The following ADCY2 variants were observed in gnomAD, a reference collection of about 807,000 sequenced individuals.
The protein encoded by ADCY2 is adenylate cyclase 2, also known as adenylate cyclase type 2.
Under a neutral mutation model 125.2 loss-of-function variants are expected in ADCY2, and 31 were observed. That is an observed-to-expected ratio of 0.25 (90% CI 0.19 to 0.33). The LOEUF (loss-of-function observed/expected upper bound fraction) is 0.33. Ranked by LOEUF, ADCY2 falls within the 10% of genes least tolerant of loss-of-function variation. The probability of loss-of-function intolerance (pLI) is 1.00; values close to 1 mark genes in which losing one functional copy is unlikely to be tolerated. For synonymous variants in ADCY2, 512 were observed against 548.4 expected, an observed-to-expected ratio of 0.93 and a Z score of 0.93; for missense variants, 904 against 1,418.2, an observed-to-expected ratio of 0.64 and a Z score of 5.82.
At chr5:7,557,201 A>ATATATATATATATATATATAT in intron 3 of ADCY2, among the ~76,000 whole-genome samples, 6 of 140,118 alleles carry the variant, frequency 4.3e-5, no homozygotes, top group African/African-American at 1.1e-4. Flanking sequence ...TGATATATAT[A>ATATATATATATATATATATAT]ACTCAAGTGA....
At chr5:7,619,334 T>C (rs891466336) in intron 3 of ADCY2, among the ~76,000 whole-genome samples, 1 of 152,120 alleles carries the variant, frequency 6.6e-6, no homozygotes, top group Non-Finnish European at 1.5e-5. Flanking sequence ...CAGAAGGTAG[T>C]AGGGAGAAGA....
intron 19 of ADCY2, 63 bp from the exon 20 acceptor site, chr5:7,789,579 C>G (rs2126504728): frequency 6.7e-7 from 1 of 1,493,962 alleles, no homozygotes; most frequent in East Asian, 2.3e-5. Context: ...CTCTTTAAAA[C>G]CTCCACTCTC....
At chr5:7,410,151 G>A (rs1351609865) in intron 1 of ADCY2, among the ~76,000 whole-genome samples, 1 of 152,130 alleles carries the variant, frequency 6.6e-6, no homozygotes, top group Non-Finnish European at 1.5e-5. Context: ...AGCCGGCTGA[G>A]GGACATTCGA....
At chr5:7,699,938 T>C (rs1432665660) in intron 7 of ADCY2, among the ~76,000 whole-genome samples, 2 of 152,188 alleles carry the variant, frequency 1.3e-5, no homozygotes, top group African/African-American at 2.4e-5. Flanking sequence ...GTTGGAAATC[T>C]ATAGGAAGGC....
chr5:7,621,365 A>G (rs1737948046), intron 3 of ADCY2, among the ~76,000 whole-genome samples: 1 of 152,264 alleles, frequency 6.6e-6, no homozygotes, highest in Non-Finnish European at 1.5e-5. Flanking sequence ...ATGCTTTATA[A>G]AGAAAAAAAT....
intron 3 of ADCY2, among the ~76,000 whole-genome samples, chr5:7,582,868 G>A (rs1371475784): frequency 6.6e-6 from 1 of 151,970 alleles, no homozygotes; most frequent in African/African-American, 2.4e-5. Flanking sequence ...ATGAAGAGAG[G>A]CCAGAAAGAA....
intron 3 of ADCY2, among the ~76,000 whole-genome samples, chr5:7,606,263 A>T (rs1231397537): frequency 6.6e-6 from 1 of 152,154 alleles, no homozygotes; most frequent in Non-Finnish European, 1.5e-5. Context: ...TGTACTTCAA[A>T]AATTGGATTG....
intron 3 of ADCY2, among the ~76,000 whole-genome samples, chr5:7,546,380 A>G (rs7702682): frequency 0.21 from 32,466 of 152,138 alleles, 4,168 homozygotes; most frequent in African/African-American, 0.34. Flanking sequence ...GGTGTTTGAC[A>G]CGTTCTGTTC....
chr5:7,499,767 C>T (rs546955650), intron 2 of ADCY2, among the ~76,000 whole-genome samples: 36 of 146,264 alleles, frequency 2.5e-4, no homozygotes, highest in Non-Finnish European at 3.7e-4. Context: ...ATTCTAGCTA[C>T]AAATAAGTAT....
intron 3 of ADCY2, among the ~76,000 whole-genome samples, chr5:7,553,874 C>T (rs910121397): frequency 2.6e-5 from 4 of 152,074 alleles, no homozygotes; most frequent in Non-Finnish European, 4.4e-5. Flanking sequence ...GCTAGAAGCA[C>T]GAGAGCAACC....
At chr5:7,419,360 C>T (rs1420914488) in intron 2 of ADCY2, among the ~76,000 whole-genome samples, 3 of 152,144 alleles carry the variant, frequency 2.0e-5, no homozygotes, top group African/African-American at 4.8e-5. Flanking sequence ...CCCAGGAAAA[C>T]CGCCAGACAT....
intron 4 of ADCY2, among the ~76,000 whole-genome samples, chr5:7,661,897 CAA>C (rs1450805406): frequency 6.6e-6 from 1 of 152,144 alleles, no homozygotes; most frequent in African/African-American, 2.4e-5. Context: ...GAAAATCACA[CAA>C]AAAGACATTT....
At chr5:7,407,774 G>A (rs533885306) in intron 1 of ADCY2, among the ~76,000 whole-genome samples, 12 of 152,102 alleles carry the variant, frequency 7.9e-5, no homozygotes, top group African/African-American at 2.7e-4. Context: ...GACCCCGTGA[G>A]TGTCCATCGT....
intron 7 of ADCY2, among the ~76,000 whole-genome samples, chr5:7,705,583 G>A (rs1741241329): frequency 1.3e-5 from 2 of 152,124 alleles, no homozygotes; most frequent in African/African-American, 4.8e-5. Flanking sequence ...CTGGGTGCTT[G>A]CACAGCCACA....
chr5:7,712,543 TCAGTCGCCGG>T (rs1741472666), intron 10 of ADCY2, among the ~76,000 whole-genome samples: 1 of 152,200 alleles, frequency 6.6e-6, no homozygotes, highest in Non-Finnish European at 1.5e-5. Context: ...AACTCTGATA[TCAGTCGCCGG>T]CAGGCCACTG....
At chr5:7,764,943 G>T (rs1476565120) in intron 16 of ADCY2, among the ~76,000 whole-genome samples, 1 of 152,160 alleles carries the variant, frequency 6.6e-6, no homozygotes, top group African/African-American at 2.4e-5. Flanking sequence ...AGAATGAAGA[G>T]TTTCTTGAAT....
intron 3 of ADCY2, among the ~76,000 whole-genome samples, chr5:7,607,048 A>G (rs544180248): frequency 1.6e-4 from 25 of 152,040 alleles, no homozygotes; most frequent in African/African-American, 6.0e-4. Flanking sequence ...GAGCCCTTTG[A>G]TCCTGTTCTG....
At position 7,432,415 on chromosome 5, in the gene ADCY2, G is replaced by T. The variant is rs77782324; in HGVS notation, c.408+17645G>T. Among the ~76,000 whole-genome samples, 421 of 152,274 alleles carry T rather than the reference G, an allele frequency of 2.8e-3. 3 individuals are homozygous for T. Among genetic ancestry groups the T allele is most frequent in the South Asian group, 5.4e-3 (26 of 4,826 alleles). ...CACTGGATGTAACACTCCTTCTGGG[G>T]CTTCAGGGGTCATGGGTTACCCACT... is the stretch of plus-strand genomic sequence containing the variant. On this transcript the variant is annotated intron_variant, in intron 2 of 24. Transcript: ENST00000338316.
At chr5:7,743,856 T>A in intron 15 of ADCY2, 104 bp downstream of exon 15, 1 of 1,045,912 alleles carries the variant, frequency 9.6e-7, no homozygotes, top group South Asian at 1.4e-5. Flanking sequence ...GCTTTACCAC[T>A]TCAAGAACTC....
Sources: gnomAD v4.1 joint callset for allele counts (sites outside exome capture counted in the v4.1 genomes callset) on GRCh38, gnomAD v4.1.1 for gene constraint, MANE v1.5 for transcripts, NCBI Gene and HGNC (gene_info 2026-07-23, HGNC 2026-07-21) for gene names.